Variants in C19orf18 observed in about 807,000 individuals in gnomAD.
C19orf18 encodes chromosome 19 open reading frame 18.
In C19orf18, 21 loss-of-function variants were observed where a neutral mutation model predicts 23.3. That is an observed-to-expected ratio of 0.90 (90% CI 0.64 to 1.30). The LOEUF is 1.30. Among genes scored for constraint, C19orf18 ranks in the 50% most tolerant of loss-of-function variants. The pLI is 0.00. For synonymous variants in C19orf18, 96 were observed against 95.2 expected (o/e 1.01, Z -0.05); for missense variants, 249 against 259.6 (o/e 0.96, Z 0.28).
chr19:57,970,906 A>T (rs2072940421), intron 3 of C19orf18, among the ~76,000 whole-genome samples: 2 of 152,026 alleles, frequency 1.3e-5, no homozygotes, highest in African/African-American at 4.8e-5. Context: ...TCTCTATCCT[A>T]CCTACAACTG....
intron 3 of C19orf18, among the ~76,000 whole-genome samples, chr19:57,967,316 G>A (rs1011797485): frequency 6.6e-6 from 1 of 152,198 alleles, no homozygotes; most frequent in African/African-American, 2.4e-5. Flanking sequence ...AGGAGTCTAA[G>A]GGATCGAGAG....
intron 3 of C19orf18, among the ~76,000 whole-genome samples, chr19:57,969,572 A>AC (rs2072930670): frequency 8.2e-6 from 1 of 122,422 alleles, no homozygotes; most frequent in Non-Finnish European, 1.9e-5. Flanking sequence ...AACAGAAAAA[A>AC]AAAAAAAAAA....
In C19orf18 at chr19:57,969,930, G is replaced by A. The variant is rs150252233; in HGVS notation, c.268+2533C>T. On this transcript the variant is annotated intron_variant, in intron 3 of 5. Transcript: ENST00000314391. ...ATTGTTTTTATGAGAACTGTCAATT[G>A]CCCTCTCTAGAAGTTGTGCTCACTG... Among the ~76,000 whole-genome samples the A allele has an allele frequency of 1.3e-3, 188 of 150,152 alleles. 3 individuals are homozygous for A. Among genetic ancestry groups the A allele is most frequent in the Admixed American group, 0.01 (152 of 15,084 alleles).
At chr19:57,971,353 A>G (rs1334746648) in intron 3 of C19orf18, among the ~76,000 whole-genome samples, 1 of 151,686 alleles carries the variant, frequency 6.6e-6, no homozygotes, top group African/African-American at 2.4e-5. Context: ...CCTGCCCCCA[A>G]CCACCCCAGG....
chr19:57,972,078 C>T (rs1249870606), intron 3 of C19orf18, among the ~76,000 whole-genome samples: 1 of 152,148 alleles, frequency 6.6e-6, no homozygotes, highest in Non-Finnish European at 1.5e-5. Context: ...CAGCAGGACA[C>T]AAGGTGCCTT....
intron 4 of C19orf18, among the ~76,000 whole-genome samples, chr19:57,961,906 T>G (rs1259507356): frequency 6.6e-6 from 1 of 151,994 alleles, no homozygotes; most frequent in Non-Finnish European, 1.5e-5. Context: ...TTTTTCCTTT[T>G]TCTTTCTTCT....
At chr19:57,971,844 G>A (rs1217095909) in intron 3 of C19orf18, among the ~76,000 whole-genome samples, 1 of 152,076 alleles carries the variant, frequency 6.6e-6, no homozygotes, top group African/African-American at 2.4e-5. Context: ...TCCTTGTGTG[G>A]ACTCCTGCTT....
At chr19:57,961,249 A>G (rs2072869386) in intron 5 of C19orf18, 142 bp downstream of exon 5, 1 of 973,502 alleles carries the variant, frequency 1.0e-6, no homozygotes, top group African/African-American at 1.8e-5. Context: ...AAAAAATGAA[A>G]GAAAGAAAGG....
At chr19:57,961,269 AGAAAGAAAG>A (rs2072870049) in intron 5 of C19orf18, 113 bp downstream of exon 5, 1 of 1,092,112 alleles carries the variant, frequency 9.2e-7, no homozygotes, top group Admixed American at 2.8e-5. Context: ...GAAGGAAGAA[AGAAAGAAAG>A]GAAAGAAAGA....
intron 4 of C19orf18, among the ~76,000 whole-genome samples, 196 bp from the exon 5 acceptor site, chr19:57,961,747 C>G (rs755491179): frequency 6.6e-6 from 1 of 152,082 alleles, no homozygotes; most frequent in Admixed American, 6.6e-5. Flanking sequence ...GGAGTAACTC[C>G]GATCATCCCA....
rs1173090887 is a variant in C19orf18 at position 57,961,478 on chromosome 19, C to T, written c.445G>A (p.Asp149Asn). Residue 149 changes from aspartate to asparagine, a missense_variant, in exon 5 of 6, where the codon GAT becomes AAT. Physicochemically the swap from Asp to Asn is conservative, Grantham distance 23 (BLOSUM62 1). Transcript: ENST00000314391. ...TCGTCCTCTGAGCCCTCTTCTTCAT[C>T]TCCTAATAACGGTATCCTGAGGTTC... ...YKNLRIPLLG[D>N]EEEGSEDEGE... The T allele has an allele frequency of 2.5e-6, 4 of 1,614,046 alleles. No individual in the cohort carries two copies. The African/African-American group carries it at 5.3e-5, about 22-fold the overall frequency.
At chr19:57,972,419 G>A (rs140552936) in intron 3 of C19orf18, 44 bp downstream of exon 3, 174 of 1,606,340 alleles carry the variant, frequency 1.1e-4, no homozygotes, top group East Asian at 2.2e-4. Flanking sequence ...GACAGCTTCA[G>A]GAATGTTGCG....
At chr19:57,963,680 G>A (rs2072888673) in intron 4 of C19orf18, among the ~76,000 whole-genome samples, 1 of 152,042 alleles carries the variant, frequency 6.6e-6, no homozygotes, top group Non-Finnish European at 1.5e-5. Context: ...GAGGTCAGGA[G>A]ATTGAGACCA....
intron 3 of C19orf18, among the ~76,000 whole-genome samples, chr19:57,968,759 C>G (rs1202821132): frequency 1.3e-5 from 2 of 152,094 alleles, no homozygotes; most frequent in East Asian, 3.8e-4. Flanking sequence ...GATGCTCTGG[C>G]ATTTGGGGCC....
In C19orf18 at chr19:57,961,505, T is replaced by C. The variant is rs1028429534; in HGVS notation, c.418A>G (p.Lys140Glu). The change falls in exon 5 of 6, where the codon AAG becomes GAG. Residue 140 changes from lysine to glutamate, a missense_variant. Physicochemically the swap from Lys to Glu is moderately conservative, Grantham distance 56. Transcript: ENST00000314391. ...EERQQLESLY[K>E]NLRIPLLGDE... is the part of the protein sequence containing the mutation. ...CCTAATAACGGTATCCTGAGGTTCT[T>C]ATAAAGTGACTCGAGCTGTTGTCTT... 1.9e-6 allele frequency: 3 copies of C among 1,614,022 alleles called. No individual in the cohort carries two copies. The highest frequency in any genetic ancestry group is 1.6e-4 in the Middle Eastern group (1 of 6,084).
chr19:57,965,371 G>T (rs1203548191), intron 4 of C19orf18, among the ~76,000 whole-genome samples: 1 of 152,040 alleles, frequency 6.6e-6, no homozygotes, highest in Admixed American at 6.6e-5. Flanking sequence ...CTGACCTCAG[G>T]TGATGTACCC....
At chr19:57,966,122 C>T (rs2072905998) in intron 4 of C19orf18, among the ~76,000 whole-genome samples, 1 of 152,034 alleles carries the variant, frequency 6.6e-6, no homozygotes, top group South Asian at 2.1e-4. Context: ...GGACTACAGG[C>T]ACCCGCCACC....
intron 3 of C19orf18, among the ~76,000 whole-genome samples, chr19:57,969,566 G>GAAAAAAAAAAAAAAAAAAAAAAAA (rs59100128): frequency 8.6e-5 from 4 of 46,502 alleles, no homozygotes; most frequent in Non-Finnish European, 1.1e-4. Flanking sequence ...AAAAAAAACA[G>GAAAAAAAAAAAAAAAAAAAAAAAA]AAAAAAAAAA....
At chr19:57,963,906 AAAAT>A (rs1288073016) in intron 4 of C19orf18, among the ~76,000 whole-genome samples, 5 of 152,158 alleles carry the variant, frequency 3.3e-5, no homozygotes, top group African/African-American at 1.2e-4. Flanking sequence ...AATAAAAATA[AAAAT>A]AAATATTTTA....
Sources: allele counts gnomAD v4.1 joint callset (sites outside exome capture counted in the v4.1 genomes callset), GRCh38; gene constraint gnomAD v4.1.1; transcripts MANE v1.5; gene names NCBI Gene and HGNC (gene_info 2026-07-23, HGNC 2026-07-21).